The following TMPRSS15 variants were observed in gnomAD, a reference collection of about 807,000 sequenced individuals.
TMPRSS15 encodes transmembrane serine protease 15, also known as enteropeptidase.
In TMPRSS15, 128 loss-of-function variants were observed where a neutral mutation model predicts 125.3. The observed-to-expected ratio is 1.02, with a 90% CI of 0.89 to 1.18. The LOEUF (loss-of-function observed/expected upper bound fraction) is 1.18. Ranked by LOEUF, TMPRSS15 falls within the 50% of genes most tolerant of loss-of-function variation. TMPRSS15 has a pLI of 0.00. For missense variants in TMPRSS15, 1,283 were observed against 1,212.7 expected (o/e 1.06, Z -0.86); for synonymous variants, 446 against 423.2 (o/e 1.05, Z -0.66).
chr21:18,280,591 A>AC (rs2074684161), intron 22 of TMPRSS15, among the ~76,000 whole-genome samples: 2 of 149,158 alleles, frequency 1.3e-5, no homozygotes, highest in African/African-American at 5.1e-5. Flanking sequence ...AAAAAAAAAA[A>AC]AAAACAACAA....
intron 1 of TMPRSS15, among the ~76,000 whole-genome samples, chr21:18,442,538 T>C (rs564439383): frequency 4.6e-5 from 7 of 152,350 alleles, no homozygotes; most frequent in South Asian, 4.1e-4. Context: ...TCCTTAATGA[T>C]ACACAACTTC....
upstream of TMPRSS15, among the ~76,000 whole-genome samples, chr21:18,405,240 T>C (rs907550351): frequency 5.9e-5 from 9 of 152,166 alleles, no homozygotes; most frequent in East Asian, 7.7e-4. Context: ...AAATATTAGA[T>C]TGAAAGCCCA....
chr21:18,362,560 T>G (rs564978252), intron 7 of TMPRSS15, among the ~76,000 whole-genome samples: 5 of 152,262 alleles, frequency 3.3e-5, no homozygotes, highest in African/African-American at 1.2e-4. Context: ...TTTATAAAAG[T>G]AAGATTAATT....
At chr21:18,439,959 T>C (rs577412104) in intron 1 of TMPRSS15, among the ~76,000 whole-genome samples, 79 of 152,032 alleles carry the variant, frequency 5.2e-4, no homozygotes, top group African/African-American at 1.8e-3. Flanking sequence ...CTTGTAAAGG[T>C]TGTGGGGTTG....
At chr21:18,307,014 G>C (rs1175492884) in intron 18 of TMPRSS15, among the ~76,000 whole-genome samples, 2 of 152,188 alleles carry the variant, frequency 1.3e-5, no homozygotes, top group Non-Finnish European at 2.9e-5. Flanking sequence ...ATAATCTTGA[G>C]AGACTACAGT....
chr21:18,274,063 T>C (rs1210658335), intron 24 of TMPRSS15, among the ~76,000 whole-genome samples: 1 of 152,228 alleles, frequency 6.6e-6, no homozygotes, highest in African/African-American at 2.4e-5. Flanking sequence ...CTTCATTTAG[T>C]AATTATTCGT....
intron 1 of TMPRSS15, among the ~76,000 whole-genome samples, chr21:18,435,168 T>C (rs1416808483): frequency 6.6e-6 from 1 of 152,196 alleles, no homozygotes; most frequent in Non-Finnish European, 1.5e-5. Context: ...CAACACTATG[T>C]TGAATAGGAG....
chr21:18,464,686 T>A (rs1225987645), intron 1 of TMPRSS15, among the ~76,000 whole-genome samples: 1 of 152,080 alleles, frequency 6.6e-6, no homozygotes, highest in Non-Finnish European at 1.5e-5. Flanking sequence ...CCTGGACACA[T>A]ACACCCCTGC....
chr21:18,326,912 A>G (rs2075297850), intron 15 of TMPRSS15, among the ~76,000 whole-genome samples: 1 of 152,202 alleles, frequency 6.6e-6, no homozygotes, highest in African/African-American at 2.4e-5. Context: ...TTATAAAACA[A>G]TGGAGTTTAT....
chr21:18,431,669 A>T (rs2076216725), intron 1 of TMPRSS15, among the ~76,000 whole-genome samples: 1 of 152,190 alleles, frequency 6.6e-6, no homozygotes, highest in South Asian at 2.1e-4. Context: ...ATAATTAAAT[A>T]ACTTGAATAG....
chr21:18,381,907 T>G lies in TMPRSS15; in HGVS notation c.496+1720A>C, dbSNP rs151031763. ...GCTTAATAACTGGGTGATAAAATAA[T>G]CTATACAACAAACTCCCATGACACA... On this transcript the variant is annotated intron_variant, in intron 4 of 24. Transcript: ENST00000284885. 3.9e-5 allele frequency among the ~76,000 whole-genome samples: 6 copies of G among 152,010 alleles called. No individual in the cohort carries two copies. The East Asian group carries it at 1.2e-3, about 29-fold the overall frequency.
chr21:18,396,236 G>A (rs907924673), intron 3 of TMPRSS15, among the ~76,000 whole-genome samples: 1 of 152,070 alleles, frequency 6.6e-6, no homozygotes, highest in Non-Finnish European at 1.5e-5. Context: ...CCCATCTATG[G>A]TGAAAAGCAA....
intron 22 of TMPRSS15, among the ~76,000 whole-genome samples, chr21:18,280,593 A>AAAAAAAAAAAAAAAAAAAAAAAAC (rs1267521488): frequency 5.6e-5 from 8 of 143,594 alleles, no homozygotes; most frequent in African/African-American, 2.3e-4. Context: ...AAAAAAAAAA[A>AAAAAAAAAAAAAAAAAAAAAAAAC]AACAACAAAA....
chr21:18,340,021 T>C (rs113390701), intron 13 of TMPRSS15, among the ~76,000 whole-genome samples: 7 of 152,314 alleles, frequency 4.6e-5, no homozygotes, highest in East Asian at 3.9e-4. Flanking sequence ...GAAAGAAACA[T>C]ATGCCAAAGC....
intron 3 of TMPRSS15, 152 bp downstream of exon 3, chr21:18,397,727 A>C (rs1394373627): frequency 1.2e-5 from 6 of 502,224 alleles, no homozygotes; most frequent in Admixed American, 3.7e-5. Flanking sequence ...TACTAAAATG[A>C]AAGTTTATGC....
intron 1 of TMPRSS15, among the ~76,000 whole-genome samples, chr21:18,436,344 T>C (rs1042763841): frequency 8.9e-4 from 135 of 152,274 alleles, no homozygotes; most frequent in Non-Finnish European, 1.6e-3. Context: ...TTTGTTCTCA[T>C]TGGTTTCAAA....
chr21:18,481,944 A>G (rs1236211076), intron 1 of TMPRSS15, among the ~76,000 whole-genome samples: 1 of 151,734 alleles, frequency 6.6e-6, no homozygotes, highest in African/African-American at 2.4e-5. Flanking sequence ...TATTTGTTTC[A>G]TAGATTCAGG....
intron 13 of TMPRSS15, among the ~76,000 whole-genome samples, chr21:18,337,153 C>T (rs143919729): frequency 4.6e-5 from 7 of 152,286 alleles, no homozygotes; most frequent in African/African-American, 1.7e-4. Context: ...CTCAGCCTCC[C>T]AAAGTGCTGG....
intron 16 of TMPRSS15, among the ~76,000 whole-genome samples, chr21:18,319,905 A>T (rs1008572656): frequency 1.3e-5 from 2 of 152,190 alleles, no homozygotes; most frequent in Non-Finnish European, 2.9e-5. Flanking sequence ...GTATTTTTTC[A>T]TCTGAAATCT....
Sources: gnomAD v4.1 joint callset for allele counts (sites outside exome capture counted in the v4.1 genomes callset) on GRCh38, gnomAD v4.1.1 for gene constraint, MANE v1.5 for transcripts, NCBI Gene and HGNC (gene_info 2026-07-23, HGNC 2026-07-21) for gene names.